Variants in LRCH1 observed in about 807,000 individuals in gnomAD.
LRCH1 encodes leucine-rich repeat and calponin homology domain-containing protein 1.
LRCH1 carries 23 observed loss-of-function variants against 94.9 expected under a neutral mutation model. The ratio of observed to expected loss-of-function variants is 0.24; its 90% CI spans 0.17 to 0.34. LRCH1 has a LOEUF of 0.34. Ranked by LOEUF, LRCH1 falls within the 10% of genes least tolerant of loss-of-function variation. The probability of loss-of-function intolerance (pLI) is 1.00; values close to 1 mark genes in which losing one functional copy is unlikely to be tolerated. For synonymous variants in LRCH1, 364 were observed against 354.9 expected (o/e 1.03, Z -0.29); for missense variants, 790 against 945.9 (o/e 0.84, Z 2.16).
At chr13:46,648,618 G>T (rs185480595) in intron 1 of LRCH1, among the ~76,000 whole-genome samples, 2 of 152,150 alleles carry the variant, frequency 1.3e-5, no homozygotes, top group South Asian at 4.2e-4. Context: ...TAAAATTCTG[G>T]AAGTATTTTT....
intron 1 of LRCH1, among the ~76,000 whole-genome samples, chr13:46,559,521 G>A (rs994363454): frequency 5.9e-5 from 9 of 152,140 alleles, no homozygotes; most frequent in Non-Finnish European, 1.0e-4. Flanking sequence ...TCTGAATCAC[G>A]TCTAGATGGG....
intron 1 of LRCH1, among the ~76,000 whole-genome samples, chr13:46,613,981 C>CT (rs951225723): frequency 1.3e-4 from 19 of 148,204 alleles, no homozygotes; most frequent in Non-Finnish European, 1.8e-4. Context: ...GTTAATAGGC[C>CT]TTTTTTTTTT....
intron 18 of LRCH1, among the ~76,000 whole-genome samples, chr13:46,731,824 C>G (rs903313740): frequency 2.0e-5 from 3 of 152,184 alleles, no homozygotes; most frequent in African/African-American, 7.2e-5. Flanking sequence ...CCCCCCAAAT[C>G]TCCTTGGTTC....
intron 2 of LRCH1, among the ~76,000 whole-genome samples, chr13:46,655,486 T>C (rs2051358979): frequency 6.6e-6 from 1 of 152,242 alleles, no homozygotes; most frequent in South Asian, 2.1e-4. Flanking sequence ...TAGTTTAGTA[T>C]ATGTGCCACT....
In LRCH1 at chr13:46,715,537, C is replaced by T. The variant is rs1208649337; in HGVS notation, c.1655-23C>T. ...TGGTCCTTGTGCAACTGTACGCGGACTGGCTCTCTGGCTCCCCTGCAGACC... is the reference window on the plus strand; with the variant it reads ...TGGTCCTTGTGCAACTGTACGCGGATTGGCTCTCTGGCTCCCCTGCAGACC... On this transcript the variant is annotated intron_variant, in intron 15 of 19. Transcript: ENST00000389797. 2.8e-6 allele frequency: 4 copies of T among 1,412,786 alleles called. No individual in the cohort carries two copies. In the East Asian group the frequency reaches 7.4e-5, roughly 26 times the overall value. 87.5% of individuals were successfully genotyped at this position (1,412,786 alleles called of 1,614,324 possible).
chr13:46,701,419 C>T (rs533305666), intron 11 of LRCH1, among the ~76,000 whole-genome samples: 1 of 152,242 alleles, frequency 6.6e-6, no homozygotes, highest in South Asian at 2.1e-4. Flanking sequence ...TCCCCTTTCA[C>T]CACCCTTTAT....
chr13:46,625,729 C>G (rs540484589), intron 1 of LRCH1, among the ~76,000 whole-genome samples: 1 of 142,612 alleles, frequency 7.0e-6, no homozygotes, highest in Non-Finnish European at 1.5e-5. Flanking sequence ...TCTCAGGTAA[C>G]TGCAACCTCT....
chr13:46,733,400 TA>T (rs1230224305), intron 18 of LRCH1, among the ~76,000 whole-genome samples: 1 of 152,182 alleles, frequency 6.6e-6, no homozygotes, highest in African/African-American at 2.4e-5. Context: ...GGAAGGAGGT[TA>T]ATTGGCCTGG....
chr13:46,615,243 G>A (rs868748293), intron 1 of LRCH1, among the ~76,000 whole-genome samples: 14 of 152,186 alleles, frequency 9.2e-5, no homozygotes, highest in African/African-American at 3.4e-4. Flanking sequence ...CGCTACCTGT[G>A]AGGCCTAGGA....
chr13:46,695,081 T>A, intron 9 of LRCH1, 64 bp downstream of exon 9: 1 of 1,580,078 alleles, frequency 6.3e-7, no homozygotes, highest in Non-Finnish European at 8.6e-7. Flanking sequence ...CCGTACAATT[T>A]AAGTTGAAGG....
Position 46,701,138 on chromosome 13 carries a change from A to G in LRCH1, c.1331A>G (p.Asp444Gly). ...QTEGIISSSK[D>G]QDMDIAMIEQ... The stretch of plus-strand genomic sequence containing the variant: ...CGTTACAGAATAAGTTCATCCAAAG[A>G]TCAGGACATGGATATAGCAATGATC... Residue 444 changes from aspartate to glycine, a missense_variant, in exon 11 of 20, where the codon GAT becomes GGT. Transcript: ENST00000389797. The G allele has an allele frequency of 6.2e-7, 1 of 1,612,296 alleles. No homozygotes were observed. The highest frequency in any genetic ancestry group is 8.5e-7 in the Non-Finnish European group (1 of 1,178,414).
chr13:46,750,429 C>A, intron 18 of LRCH1: 1 of 703,316 alleles, frequency 1.4e-6, no homozygotes, highest in Non-Finnish European at 2.4e-6. Flanking sequence ...GGTGATCAAA[C>A]AGGCATACTA....
intron 1 of LRCH1, among the ~76,000 whole-genome samples, chr13:46,572,567 C>T (rs2050252429): frequency 6.6e-6 from 1 of 151,938 alleles, no homozygotes; most frequent in South Asian, 2.1e-4. Context: ...AAGAAGCTAC[C>T]TATAACGACT....
At chr13:46,688,093 C>A in intron 6 of LRCH1, 114 bp downstream of exon 6, 2 of 1,033,314 alleles carry the variant, frequency 1.9e-6, no homozygotes, top group Non-Finnish European at 1.3e-6. Flanking sequence ...CTGCAGAAAA[C>A]AAAGCAAAAC....
rs373206099 is a variant in LRCH1, at chr13:46,657,415, A to G, written c.452+7070A>G. On this transcript the variant is annotated intron_variant, in intron 2 of 19. Transcript: ENST00000389797. ...ATTTTTTTTTTTAAAACATACATAT[A>G]TGAAAGGTGTGGATTTTGGGGATCA... 9.9e-4 allele frequency among the ~76,000 whole-genome samples: 143 copies of G among 145,134 alleles called. 4 individuals carry two copies. The South Asian group carries it at 0.031, about 31-fold the overall frequency.
intron 3 of LRCH1, among the ~76,000 whole-genome samples, chr13:46,671,850 A>G (rs1031540824): frequency 6.6e-6 from 1 of 152,194 alleles, no homozygotes; most frequent in Non-Finnish European, 1.5e-5. Context: ...ACACATGCAC[A>G]ATCTCTCTGT....
Position 46,744,721 on chromosome 13 carries a change from T to G in LRCH1, c.*2873T>G, listed in dbSNP as rs1232711088. 3.0e-6 allele frequency: 3 copies of G among 985,312 alleles called. No individual in the cohort carries two copies. The African/African-American group carries it at 5.2e-5, about 17-fold the overall frequency. 61.0% of individuals were successfully genotyped at this position (985,312 alleles called of 1,614,324 possible). A position where few individuals can be genotyped will look rare whatever the true frequency, so the allele number is the denominator to read the frequency against. On this transcript the variant is annotated 3_prime_UTR_variant, in exon 20 of 20. Transcript: ENST00000389797. Reference sequence around the variant, plus strand: ...TGAGTCATAAGGACAAAAGGGTGTTTTGCCTTTGCCTGTGGGGAAAAAGTA... The same window carrying G: ...TGAGTCATAAGGACAAAAGGGTGTTGTGCCTTTGCCTGTGGGGAAAAAGTA...
In LRCH1 at chr13:46,711,976, T is replaced by C. The variant is rs548741855; in HGVS notation, c.1581+132T>C. The C allele has an allele frequency of 1.6e-5, 10 of 623,704 alleles. 1 individual carries two copies. In the South Asian group the frequency reaches 2.6e-4, roughly 16 times the overall value. The allele number at this position is 623,704 out of a possible 1,614,324, so 38.6% of individuals were successfully genotyped here. A position where few individuals can be genotyped will look rare whatever the true frequency, so the allele number is the denominator to read the frequency against. Reference sequence around the variant, plus strand: ...GAGTCTTTGGGGGAATCCGTCTAACTCTCATTAGCTATCATAGCTTTATCT... The same window carrying C: ...GAGTCTTTGGGGGAATCCGTCTAACCCTCATTAGCTATCATAGCTTTATCT... On this transcript the variant is annotated intron_variant, in intron 14 of 19. Transcript: ENST00000389797.
At chr13:46,624,549 T>C (rs775620307) in intron 1 of LRCH1, among the ~76,000 whole-genome samples, 4 of 152,194 alleles carry the variant, frequency 2.6e-5, no homozygotes, top group Admixed American at 2.0e-4. Flanking sequence ...AAATGGTGGT[T>C]TGAGCTTGCT....
Sources: allele counts gnomAD v4.1 joint callset (sites outside exome capture counted in the v4.1 genomes callset), GRCh38; gene constraint gnomAD v4.1.1; transcripts MANE v1.5; gene names NCBI Gene and HGNC (gene_info 2026-07-23, HGNC 2026-07-21).